KLHL29: variants seen among roughly 807,000 people sequenced by gnomAD.
KLHL29 encodes kelch like family member 29.
Under a neutral mutation model 80.4 loss-of-function variants are expected in KLHL29, and 21 were observed. The ratio of observed to expected loss-of-function variants is 0.26; its 90% confidence interval spans 0.19 to 0.38. KLHL29 has a LOEUF of 0.38. Among genes scored for constraint, KLHL29 ranks in the 10% least tolerant of loss-of-function variants. KLHL29 has a pLI of 1.00. For synonymous variants in KLHL29, 511 were observed against 526.8 expected (o/e 0.97, Z 0.41); for missense variants, 867 against 1,223.9 (o/e 0.71, Z 4.35).
chr2:23,413,461 TCCACTGAG>T (rs1449251523), intron 1 of KLHL29, among the ~76,000 whole-genome samples: 1 of 152,162 alleles, frequency 6.6e-6, no homozygotes, highest in Non-Finnish European at 1.5e-5. Context: ...TCCTTTCTAC[TCCACTGAG>T]CCAGGACTGC....
intron 1 of KLHL29, among the ~76,000 whole-genome samples, chr2:23,440,194 C>A (rs973031765): frequency 1.3e-5 from 2 of 152,204 alleles, no homozygotes; most frequent in Admixed American, 1.3e-4. Flanking sequence ...ACTATCTGAT[C>A]TTCGACAAAC....
chr2:23,556,254 G>A (rs1371212780), intron 2 of KLHL29, among the ~76,000 whole-genome samples: 7 of 152,212 alleles, frequency 4.6e-5, no homozygotes, highest in Admixed American at 1.3e-4. Flanking sequence ...CTGGGAAACC[G>A]AAGCCTGATG....
At chr2:23,541,273 A>T (rs1183807197) in intron 2 of KLHL29, among the ~76,000 whole-genome samples, 2 of 152,168 alleles carry the variant, frequency 1.3e-5, no homozygotes, top group Non-Finnish European at 2.9e-5. Flanking sequence ...GCACGGGTAG[A>T]TGGATGGATG....
At chr2:23,630,526 C>T (rs933043191) in intron 3 of KLHL29, among the ~76,000 whole-genome samples, 1 of 152,138 alleles carries the variant, frequency 6.6e-6, no homozygotes, top group African/African-American at 2.4e-5. Context: ...CTTTGTCACC[C>T]AGGCTGGAGG....
chr2:23,701,793 C>CTTTTT (rs70941586), intron 11 of KLHL29, among the ~76,000 whole-genome samples: 1 of 22,536 alleles, frequency 4.4e-5, no homozygotes, highest in Non-Finnish European at 9.9e-5. Context: ...CTTTTTTTTG[C>CTTTTT]TTTTTTTTTT....
chr2:23,650,261 T>A (rs914112431), intron 5 of KLHL29, among the ~76,000 whole-genome samples: 2 of 152,150 alleles, frequency 1.3e-5, no homozygotes, highest in African/African-American at 4.8e-5. Context: ...CAGTGAGTGG[T>A]TCTACAAATG....
intron 2 of KLHL29, among the ~76,000 whole-genome samples, chr2:23,535,128 C>G (rs1666622857): frequency 6.6e-6 from 1 of 152,246 alleles, no homozygotes; most frequent in Non-Finnish European, 1.5e-5. Context: ...AAAATGTGGC[C>G]TGACCAGACA....
At chr2:23,458,115 G>T (rs112367506) in intron 1 of KLHL29, among the ~76,000 whole-genome samples, 2 of 152,240 alleles carry the variant, frequency 1.3e-5, no homozygotes, top group South Asian at 4.1e-4. Flanking sequence ...GTCAGTGCAC[G>T]TCTGCAGGTG....
rs1438353154 is a variant in KLHL29, at chr2:23,562,135, C to T, written c.-45-17C>T. 1 of 1,541,332 alleles carries T rather than the reference C, an allele frequency of 6.5e-7. No individual in the cohort carries two copies. The highest frequency in any genetic ancestry group is 8.7e-7 in the Non-Finnish European group (1 of 1,142,906). ...CTCCAGTCCTAAATCACCCTTCTCT[C>T]CACCCTGTCACCACAGGTCCGGGCT... is the stretch of plus-strand genomic sequence containing the variant. On this transcript the variant is annotated splice_polypyrimidine_tract_variant and intron_variant, in intron 2 of 13. Coordinates refer to ENST00000486442, the MANE Select transcript of KLHL29 (RefSeq NM_052920.2). This position sits in a 1 kb window ranked among gnomAD's most constrained non-coding sequence, Gnocchi z 4.5.
intron 1 of KLHL29, among the ~76,000 whole-genome samples, chr2:23,418,620 C>T (rs1662679420): frequency 6.6e-6 from 1 of 152,158 alleles, no homozygotes; most frequent in South Asian, 2.1e-4. Flanking sequence ...TAGCCCTGTG[C>T]TAAACAGTAA....
chr2:23,677,784 C>T (rs775274608), intron 5 of KLHL29, among the ~76,000 whole-genome samples: 3 of 152,206 alleles, frequency 2.0e-5, no homozygotes, highest in Non-Finnish European at 4.4e-5. Flanking sequence ...GATGAATTAC[C>T]CTCTGGGCCT....
At chr2:23,522,571 A>C (rs1225823745) in intron 2 of KLHL29, among the ~76,000 whole-genome samples, 13 of 152,082 alleles carry the variant, frequency 8.5e-5, no homozygotes, top group Admixed American at 7.9e-4. Flanking sequence ...TCAGAAAAAA[A>C]AAAAAGCTTT....
chr2:23,418,621 T>A (rs1662679477), intron 1 of KLHL29, among the ~76,000 whole-genome samples: 1 of 152,188 alleles, frequency 6.6e-6, no homozygotes, highest in South Asian at 2.1e-4. Context: ...AGCCCTGTGC[T>A]AAACAGTAAC....
chr2:23,549,682 C>T (rs917913175), intron 2 of KLHL29, among the ~76,000 whole-genome samples: 1 of 152,220 alleles, frequency 6.6e-6, no homozygotes, highest in African/African-American at 2.4e-5. Flanking sequence ...TGACCAAAAA[C>T]GCCCCTTCCT....
At chr2:23,492,390 C>T (rs1665128967) in intron 2 of KLHL29, among the ~76,000 whole-genome samples, 2 of 152,186 alleles carry the variant, frequency 1.3e-5, no homozygotes, top group Admixed American at 1.3e-4. Flanking sequence ...GTCTTCTTCA[C>T]CCCCGCTTCT....
At chr2:23,488,082 A>G (rs1664982597) in intron 2 of KLHL29, among the ~76,000 whole-genome samples, 2 of 152,326 alleles carry the variant, frequency 1.3e-5, no homozygotes, top group South Asian at 4.1e-4. Flanking sequence ...AGCTTCAAAC[A>G]GCTGGAATCT....
chr2:23,560,903 A>T (rs553384694), intron 2 of KLHL29, among the ~76,000 whole-genome samples: 1 of 152,236 alleles, frequency 6.6e-6, no homozygotes, highest in Admixed American at 6.5e-5. Context: ...TTATAGATAG[A>T]TATTTTTAAA....
Position 23,567,206 on chromosome 2 carries a change from A to G in KLHL29, c.285+4725A>G, listed in dbSNP as rs143804494. Among the ~76,000 whole-genome samples, 1,163 of 152,348 alleles carry G rather than the reference A, an allele frequency of 7.6e-3. 9 individuals are homozygous for G. The highest frequency in any genetic ancestry group is 0.01 in the Non-Finnish European group (707 of 68,032). The stretch of plus-strand genomic sequence containing the variant: ...TATTCTCAGCAAACCTGCTTGACAG[A>G]TGAAACAGAAAAGGGACGGCTTCAT... On this transcript the variant is annotated intron_variant, in intron 3 of 13. Transcript: ENST00000486442.
chr2:23,502,298 C>A (rs1432004137), intron 2 of KLHL29, among the ~76,000 whole-genome samples: 2 of 152,252 alleles, frequency 1.3e-5, no homozygotes, highest in African/African-American at 4.8e-5. Flanking sequence ...GAGAGAGAGG[C>A]CTACTCATCG....
Sources: allele counts gnomAD v4.1 joint callset (sites outside exome capture counted in the v4.1 genomes callset), GRCh38; gene constraint gnomAD v4.1.1; non-coding constraint Gnocchi (gnomAD v3.1); transcripts MANE v1.5; gene names NCBI Gene and HGNC (gene_info 2026-07-23, HGNC 2026-07-21).